ADGRF5: variants seen among roughly 807,000 people sequenced by gnomAD.
ADGRF5 encodes the protein adhesion G protein-coupled receptor F5, also known as G-protein coupled receptor 116.
In ADGRF5, 75 loss-of-function variants were observed where a neutral mutation model predicts 132.3. That is an observed-to-expected ratio of 0.57 (90% CI 0.47 to 0.69). The LOEUF is 0.69. Among genes scored for constraint, ADGRF5 ranks in the 30% least tolerant of loss-of-function variants. The pLI, the probability that ADGRF5 is intolerant of heterozygous loss-of-function variation, is 0.00. For missense variants in ADGRF5, 1,516 were observed against 1,630.6 expected (o/e 0.93, Z 1.21); for synonymous variants, 629 against 597.6 (o/e 1.05, Z -0.77).
intron 10 of ADGRF5, among the ~76,000 whole-genome samples, chr6:46,877,204 G>T (rs1474277810): frequency 6.6e-6 from 1 of 151,890 alleles, no homozygotes; most frequent in Non-Finnish European, 1.5e-5. Context: ...AAGACCTTTG[G>T]TGAGTCCTAA....
At chr6:46,951,313 G>A (rs35475232) in intron 1 of ADGRF5, among the ~76,000 whole-genome samples, 7,604 of 152,250 alleles carry the variant, frequency 0.05, 241 homozygotes, top group African/African-American at 0.088. Flanking sequence ...GACAATGGAG[G>A]GAGAAGAGAA....
At chr6:46,951,024 T>C (rs1490434292) in intron 1 of ADGRF5, among the ~76,000 whole-genome samples, 2 of 152,224 alleles carry the variant, frequency 1.3e-5, no homozygotes, top group Non-Finnish European at 2.9e-5. Flanking sequence ...CCAGATATAG[T>C]CCAGGCTGAT....
chr6:46,931,795 C>A (rs1582053760), intron 1 of ADGRF5, among the ~76,000 whole-genome samples: 1 of 152,336 alleles, frequency 6.6e-6, no homozygotes, highest in Admixed American at 6.5e-5. Context: ...TGACTAACAT[C>A]TGTAATCCCA....
chr6:46,910,227 G>A (rs182505544), intron 1 of ADGRF5, among the ~76,000 whole-genome samples: 37 of 152,182 alleles, frequency 2.4e-4, no homozygotes, highest in Admixed American at 2.2e-3. Flanking sequence ...GATATCCTCC[G>A]ACAGTTGGAG....
At chr6:46,929,538 G>T (rs1777450771) in intron 1 of ADGRF5, among the ~76,000 whole-genome samples, 1 of 142,164 alleles carries the variant, frequency 7.0e-6, no homozygotes, top group Non-Finnish European at 1.5e-5. Flanking sequence ...GTAAAAAGAT[G>T]AAAAAAAAAA....
chr6:46,908,245 A>T (rs1466364007), intron 1 of ADGRF5, among the ~76,000 whole-genome samples: 1 of 152,194 alleles, frequency 6.6e-6, no homozygotes, highest in Admixed American at 6.5e-5. Flanking sequence ...TTAAGACCAG[A>T]TGCATCTGCT....
chr6:46,862,317 T>A (rs1052305351), intron 15 of ADGRF5, among the ~76,000 whole-genome samples: 2 of 152,204 alleles, frequency 1.3e-5, no homozygotes, highest in Non-Finnish European at 2.9e-5. Context: ...GGTCCCATTT[T>A]TTTACATTGA....
intron 3 of ADGRF5, among the ~76,000 whole-genome samples, chr6:46,892,889 A>G (rs1773793741): frequency 6.6e-6 from 1 of 152,110 alleles, no homozygotes; most frequent in Non-Finnish European, 1.5e-5. Flanking sequence ...TAATTTTACT[A>G]TTTATTGAAT....
chr6:46,918,971 T>C (rs1158010146), intron 1 of ADGRF5, among the ~76,000 whole-genome samples: 1 of 152,210 alleles, frequency 6.6e-6, no homozygotes, highest in Non-Finnish European at 1.5e-5. Context: ...ACAAAAAATC[T>C]AACCATGCCC....
At position 46,940,901 on chromosome 6, in the gene ADGRF5, A is replaced by G. The variant is rs537957315; in HGVS notation, c.-25+13833T>C. Reference sequence around the variant, plus strand: ...AGGGATTTAGTAATTCTTCCTCCCAAGAATTTTCAAATTTTAGTGCAGCCT... The same window carrying G: ...AGGGATTTAGTAATTCTTCCTCCCAGGAATTTTCAAATTTTAGTGCAGCCT... On this transcript the variant is annotated intron_variant, in intron 1 of 20. Coordinates refer to the ADGRF5 transcript ENST00000265417. 4.7e-4 allele frequency among the ~76,000 whole-genome samples: 72 copies of G among 152,274 alleles called. 1 individual carries two copies. In the South Asian group the frequency reaches 0.014, roughly 29 times the overall value.
rs201268117 is a variant in ADGRF5, at chr6:46,906,775, G to C, written c.-13C>G. ...TTGGGGATTTCATGTCTTCAAGTTTGAGTTGGTTGGCCTGAAATGGAAATA... is the reference window on the plus strand; with the variant it reads ...TTGGGGATTTCATGTCTTCAAGTTTCAGTTGGTTGGCCTGAAATGGAAATA... On this transcript the variant is annotated 5_prime_UTR_variant, in exon 2 of 21. Transcript: ENST00000283296. 57 of 1,398,232 alleles carry C rather than the reference G, an allele frequency of 4.1e-5. No individual in the cohort carries two copies. The highest frequency in any genetic ancestry group is 1.5e-4 in the Admixed American group (9 of 59,450). The allele number at this position is 1,398,232 out of a possible 1,614,324, so 86.6% of individuals were successfully genotyped here. A position where few individuals can be genotyped will look rare whatever the true frequency, so the allele number is the denominator to read the frequency against.
intron 16 of ADGRF5, 132 bp from the exon 17 acceptor site, chr6:46,859,655 G>A: frequency 1.6e-6 from 1 of 622,234 alleles, no homozygotes; most frequent in East Asian, 2.8e-5. Flanking sequence ...AGACATCACA[G>A]GCAGTGGGGA....
intron 2 of ADGRF5, among the ~76,000 whole-genome samples, chr6:46,902,861 T>C (rs71566599): frequency 0.11 from 16,584 of 152,220 alleles, 1,074 homozygotes; most frequent in Admixed American, 0.21. Flanking sequence ...CTCTTGGCCA[T>C]CCCCAGATTC....
At chr6:46,925,484 C>T (rs550647503), upstream of ADGRF5, among the ~76,000 whole-genome samples, 5 of 152,256 alleles carry the variant, frequency 3.3e-5, no homozygotes, top group Non-Finnish European at 1.5e-5. Flanking sequence ...AAGTCGAGTG[C>T]AGTGGCTCAT....
chr6:46,950,281 T>C (rs761748), intron 1 of ADGRF5, among the ~76,000 whole-genome samples: 21,922 of 152,186 alleles, frequency 0.14, 1,829 homozygotes, highest in Admixed American at 0.23. Context: ...CTTCCACACA[T>C]TGAGCTGAAA....
At chr6:46,891,608 G>C (rs1773645118) in intron 3 of ADGRF5, among the ~76,000 whole-genome samples, 1 of 152,176 alleles carries the variant, frequency 6.6e-6, no homozygotes, top group African/African-American at 2.4e-5. Context: ...TTGAATCCCA[G>C]GACCTGATCC....
At chr6:46,937,054 G>GTTGAC (rs1376250223) in intron 1 of ADGRF5, among the ~76,000 whole-genome samples, 1 of 152,174 alleles carries the variant, frequency 6.6e-6, no homozygotes, top group African/African-American at 2.4e-5. Flanking sequence ...TCGGTTCTAT[G>GTTGAC]TTGACTTAAC....
chr6:46,862,363 G>A (rs80125807), intron 15 of ADGRF5, among the ~76,000 whole-genome samples: 2,537 of 152,214 alleles, frequency 0.017, 44 homozygotes, highest in Non-Finnish European at 0.027. Flanking sequence ...TTACATAGCG[G>A]TAACCTCTAT....
At chr6:46,948,432 G>A (rs770390840) in intron 1 of ADGRF5, among the ~76,000 whole-genome samples, 18 of 151,684 alleles carry the variant, frequency 1.2e-4, no homozygotes, top group Non-Finnish European at 1.9e-4. Context: ...TAGAATAATA[G>A]TAAAGTTCTG....
Sources: allele counts gnomAD v4.1 joint callset (sites outside exome capture counted in the v4.1 genomes callset), GRCh38; gene constraint gnomAD v4.1.1; transcripts MANE v1.5; gene names NCBI Gene and HGNC (gene_info 2026-07-23, HGNC 2026-07-21).